AMMECR1L: variants seen among roughly 807,000 people sequenced by gnomAD.
AMMECR1L encodes the protein AMMECR1 like, also known as AMMECR1-like protein.
AMMECR1L carries 4 observed loss-of-function variants against 36.8 expected under a neutral mutation model. The observed-to-expected ratio is 0.11, with a 90% CI of 0.05 to 0.25. AMMECR1L has a LOEUF of 0.25. Ranked by LOEUF, AMMECR1L falls within the 10% of genes least tolerant of loss-of-function variation. The probability of loss-of-function intolerance (pLI) is 1.00; values close to 1 mark genes in which losing one functional copy is unlikely to be tolerated. For missense variants in AMMECR1L, 232 were observed against 392.1 expected (o/e 0.59, Z 3.45); for synonymous variants, 147 against 148.0 (o/e 0.99, Z 0.05).
Position 127,864,182 on chromosome 2 carries a change from T to C in AMMECR1L, c.*912A>G, listed in dbSNP as rs1236581061. ...TCCTCCTAAAGCCCAACTCAATCGC[T>C]TGTTTGCACATCTACGCTTCTGAGA... On this transcript the variant is annotated 3_prime_UTR_variant, in exon 8 of 8. Transcript: ENST00000272647. The C allele has an allele frequency of 2.6e-5, 4 of 152,678 alleles. No individual in the cohort carries two copies. The highest frequency in any genetic ancestry group is 5.9e-5 in the Non-Finnish European group (4 of 68,064). The allele number at this position is 152,678 out of a possible 1,614,324, so 9.5% of individuals were successfully genotyped here.
chr2:127,870,188 G>A (rs947675615), intron 5 of AMMECR1L, among the ~76,000 whole-genome samples: 2 of 151,852 alleles, frequency 1.3e-5, no homozygotes, highest in Admixed American at 6.6e-5. Context: ...GGTGGCACGC[G>A]ACTGTAGTCC....
chr2:127,873,896 G>A lies in AMMECR1L; in HGVS notation c.339C>T (p.Phe113=), dbSNP rs745869634. 1.4e-5 allele frequency: 23 copies of A among 1,614,074 alleles called. No homozygotes were observed. Among genetic ancestry groups the A allele is most frequent in the Middle Eastern group, 1.6e-4 (1 of 6,082 alleles). ...CATAGAGGTGACAGTAGAGTACGTC[G>A]AAGCAGTAGCAGCACATCTCTGCAG... ...VVTAEMCCYC[F]DVLYCHLYGF... is the part of the protein sequence containing the mutation. Residue 113 remains phenylalanine, a synonymous_variant, in exon 3 of 8, where the codon TTC becomes TTT. Coordinates refer to ENST00000272647, the MANE Select transcript of AMMECR1L (RefSeq NM_001199140.2). The surrounding 1 kb of genome is among the most constrained non-coding windows in gnomAD (Gnocchi z 5.2).
At chr2:127,879,539 A>T (rs1691397341) in intron 2 of AMMECR1L, among the ~76,000 whole-genome samples, 2 of 152,218 alleles carry the variant, frequency 1.3e-5, no homozygotes, top group Non-Finnish European at 2.9e-5. Context: ...TACCAGTCCC[A>T]GGTATTTATA....
intron 1 of AMMECR1L, among the ~76,000 whole-genome samples, chr2:127,884,548 G>A (rs953013457): frequency 6.6e-5 from 10 of 152,132 alleles, no homozygotes; most frequent in African/African-American, 2.4e-4. Flanking sequence ...CAAGAAGGGA[G>A]GACACTGAGA....
intron 2 of AMMECR1L, among the ~76,000 whole-genome samples, chr2:127,875,785 TTCTC>T (rs34912743): frequency 3.2e-5 from 4 of 123,664 alleles, no homozygotes; most frequent in South Asian, 3.0e-4. Context: ...CCCTCTCCTC[TTCTC>T]TCTCTCTCTC....
intron 1 of AMMECR1L, chr2:127,885,125 C>T (rs1691697176): frequency 1.0e-6 from 1 of 984,234 alleles, no homozygotes; most frequent in Non-Finnish European, 1.2e-6. Flanking sequence ...GTCAGGTGGA[C>T]GGATCATGGA....
chr2:127,881,831 A>C (rs1691513594), intron 2 of AMMECR1L, among the ~76,000 whole-genome samples: 1 of 152,228 alleles, frequency 6.6e-6, no homozygotes, highest in African/African-American at 2.4e-5. Flanking sequence ...TATTATTAAC[A>C]TGGGATTATT....
chr2:127,874,275 A>G lies in AMMECR1L; in HGVS notation c.-38-3T>C, dbSNP rs752395245. Reference sequence around the variant, plus strand: ...AAGGTCTGGAATGCTGCAGAACCCTAACCAAAATGAGAAGTTAAGCATTAA... The same window carrying G: ...AAGGTCTGGAATGCTGCAGAACCCTGACCAAAATGAGAAGTTAAGCATTAA... On this transcript the variant is annotated splice_region_variant and splice_polypyrimidine_tract_variant and intron_variant, in intron 2 of 7. Transcript: ENST00000272647. The surrounding 1 kb of genome is among the most constrained non-coding windows in gnomAD (Gnocchi z 5.2). 28 of 1,592,320 alleles carry G rather than the reference A, an allele frequency of 1.8e-5. No homozygotes were observed. The highest frequency in any genetic ancestry group is 2.1e-5 in the Non-Finnish European group (25 of 1,174,886).
At chr2:127,885,359 T>C (rs1425614336) in intron 1 of AMMECR1L, 12 of 974,784 alleles carry the variant, frequency 1.2e-5, no homozygotes, top group Non-Finnish European at 1.3e-5. Context: ...GAGCGACGGG[T>C]AGAGCAGCTT....
At chr2:127,885,153 G>C in intron 1 of AMMECR1L, 1 of 985,208 alleles carries the variant, frequency 1.0e-6, no homozygotes. Context: ...GCCAGCGGAG[G>C]TTAAGGAAGG....
chr2:127,867,966 A>G (rs1015480914), intron 6 of AMMECR1L, among the ~76,000 whole-genome samples: 1 of 152,136 alleles, frequency 6.6e-6, no homozygotes, highest in African/African-American at 2.4e-5. Context: ...TCCACCTCCC[A>G]GGCTCATGTG....
chr2:127,885,205 G>A, intron 1 of AMMECR1L: 1 of 985,154 alleles, frequency 1.0e-6, no homozygotes, highest in Non-Finnish European at 1.2e-6. Context: ...AGAGGAGGAG[G>A]AGAAAGTGCG....
At chr2:127,877,286 TCATTTTA>T (rs1228562780) in intron 2 of AMMECR1L, among the ~76,000 whole-genome samples, 3 of 150,806 alleles carry the variant, frequency 2.0e-5, no homozygotes, top group Non-Finnish European at 4.4e-5. Flanking sequence ...GATGCTACCA[TCATTTTA>T]CATTTTACAG....
chr2:127,872,124 G>GTGC (rs1691002139), intron 3 of AMMECR1L, among the ~76,000 whole-genome samples: 1 of 149,746 alleles, frequency 6.7e-6, no homozygotes, highest in South Asian at 2.1e-4. Context: ...GAAAGGCAGA[G>GTGC]GTTGCAGTGA....
At position 127,871,197 on chromosome 2, in the gene AMMECR1L, A is replaced by G; in HGVS notation, c.518+52T>C. On this transcript the variant is annotated intron_variant, in intron 4 of 7. Transcript: ENST00000272647. This position sits in a 1 kb window ranked among gnomAD's most constrained non-coding sequence, Gnocchi z 4.3. ...TTAGAAGAAATAAAGTCAGGCAGCT[A>G]TTTCTGATTCTAGCCAATTTATCTA... 6.4e-7 allele frequency: 1 copy of G among 1,574,054 alleles called. No individual in the cohort carries two copies. The highest frequency in any genetic ancestry group is 1.3e-5 in the African/African-American group (1 of 74,226).
At chr2:127,883,100 TTTC>T (rs1303251184) in intron 2 of AMMECR1L, among the ~76,000 whole-genome samples, 1 of 110,728 alleles carries the variant, frequency 9.0e-6, no homozygotes, top group East Asian at 2.4e-4. Context: ...GCAAATTTCT[TTTC>T]TTTTTTTTTT....
Position 127,871,433 on chromosome 2 carries a change from G to T in AMMECR1L, c.408-74C>A. 2 of 1,458,016 alleles carry T rather than the reference G, an allele frequency of 1.4e-6. No individual in the cohort carries two copies. Among genetic ancestry groups the T allele is most frequent in the Non-Finnish European group, 1.9e-6 (2 of 1,069,550 alleles). The allele number at this position is 1,458,016 out of a possible 1,614,324, so 90.3% of individuals were successfully genotyped here. A position where few individuals can be genotyped will look rare whatever the true frequency, so the allele number is the denominator to read the frequency against. ...GATAAGAACAAAACCTTTTGGCTTT[G>T]TCCCTATTCATTTCTGTTATTGCCA... On this transcript the variant is annotated intron_variant, in intron 3 of 7. Coordinates refer to ENST00000272647, the MANE Select transcript of AMMECR1L (RefSeq NM_001199140.2). The surrounding 1 kb of genome is among the most constrained non-coding windows in gnomAD (Gnocchi z 4.3).
chr2:127,871,490 C>G lies in AMMECR1L; in HGVS notation c.408-131G>C, dbSNP rs540589020. On this transcript the variant is annotated intron_variant, in intron 3 of 7. Transcript: ENST00000272647. This position sits in a 1 kb window ranked among gnomAD's most constrained non-coding sequence, Gnocchi z 4.3. Reference sequence around the variant, plus strand: ...CCTGTTTTTGGACTTGCCAGCTACCCGAAGGACTCTCTGCCTTTCTGAAAA... The same window carrying G: ...CCTGTTTTTGGACTTGCCAGCTACCGGAAGGACTCTCTGCCTTTCTGAAAA... 3 of 854,738 alleles carry G rather than the reference C, an allele frequency of 3.5e-6. No homozygotes were observed. The highest frequency in any genetic ancestry group is 2.3e-5 in the Admixed American group (1 of 43,734). The allele number at this position is 854,738 out of a possible 1,614,324, so 52.9% of individuals were successfully genotyped here. A position where few individuals can be genotyped will look rare whatever the true frequency, so the allele number is the denominator to read the frequency against.
chr2:127,866,213 T>G (rs1262290621), intron 7 of AMMECR1L, among the ~76,000 whole-genome samples: 2 of 152,300 alleles, frequency 1.3e-5, no homozygotes, highest in South Asian at 2.1e-4. Flanking sequence ...TCAATAGGGA[T>G]GAGAAGAGAA....
Sources: allele counts gnomAD v4.1 joint callset (sites outside exome capture counted in the v4.1 genomes callset), GRCh38; gene constraint gnomAD v4.1.1; non-coding constraint Gnocchi (gnomAD v3.1); transcripts MANE v1.5; gene names NCBI Gene and HGNC (gene_info 2026-07-23, HGNC 2026-07-21).